PDE4D: variants seen among roughly 807,000 people sequenced by gnomAD.
PDE4D encodes the protein phosphodiesterase 4D.
PDE4D carries 24 observed loss-of-function variants against 87.4 expected under a neutral mutation model. That is an observed-to-expected ratio of 0.27 (90% CI 0.20 to 0.39). The LOEUF (loss-of-function observed/expected upper bound fraction) is 0.39. Among genes scored for constraint, PDE4D ranks in the 10% least tolerant of loss-of-function variants. The probability of loss-of-function intolerance (pLI) is 1.00; values close to 1 mark genes in which losing one functional copy is unlikely to be tolerated. For synonymous variants in PDE4D, 384 were observed against 383.2 expected (o/e 1.00, Z -0.02); for missense variants, 714 against 1,041.0 (o/e 0.69, Z 4.32).
At chr5:59,958,442 G>A (rs1759103299) in intron 3 of PDE4D, among the ~76,000 whole-genome samples, 1 of 152,066 alleles carries the variant, frequency 6.6e-6, no homozygotes. Context: ...GATCCCAAAT[G>A]ACTCTCTTAC....
intron 3 of PDE4D, among the ~76,000 whole-genome samples, chr5:59,924,374 C>A (rs1755014205): frequency 6.6e-6 from 1 of 151,954 alleles, no homozygotes; most frequent in Non-Finnish European, 1.5e-5. Flanking sequence ...TATTCAAGTA[C>A]AAGAAGGTTA....
Position 59,403,477 on chromosome 5 carries a change from T to C in PDE4D, c.456-187509A>G, listed in dbSNP as rs532385803. 1.7e-3 allele frequency among the ~76,000 whole-genome samples: 255 copies of C among 152,278 alleles called. 1 individual carries two copies. The highest frequency in any genetic ancestry group is 5.6e-3 in the African/African-American group (234 of 41,562). On this transcript the variant is annotated intron_variant, in intron 1 of 14. Transcript: ENST00000340635. ...CCCATCCACTACACCTCCTAGCCTC[T>C]GGTAACCATCACTCTAATCTCTATC... is the stretch of plus-strand genomic sequence containing the variant.
At chr5:59,510,086 A>C (rs1004046610) in intron 1 of PDE4D, among the ~76,000 whole-genome samples, 4 of 150,576 alleles carry the variant, frequency 2.7e-5, no homozygotes, top group African/African-American at 7.3e-5. Flanking sequence ...ATTAATAACA[A>C]TGTATTTATT....
At chr5:60,021,732 T>A (rs1766085505) in intron 2 of PDE4D, 1 of 152,244 alleles carries the variant, frequency 6.6e-6, no homozygotes, top group South Asian at 2.1e-4. Flanking sequence ...TATTGATACT[T>A]CTGTAAATCT....
At chr5:60,340,929 G>A (rs568129554) in intron 1 of PDE4D, among the ~76,000 whole-genome samples, 18 of 152,096 alleles carry the variant, frequency 1.2e-4, no homozygotes, top group East Asian at 5.8e-4. Flanking sequence ...GTTTTTATTC[G>A]GAACTTCTGT....
At chr5:59,975,870 G>T (rs1365338091) in intron 3 of PDE4D, among the ~76,000 whole-genome samples, 1 of 152,166 alleles carries the variant, frequency 6.6e-6, no homozygotes, top group African/African-American at 2.4e-5. Flanking sequence ...TTTGGTCTCA[G>T]GTTAGGTGTT....
At chr5:60,330,276 G>T (rs975001713) in intron 1 of PDE4D, among the ~76,000 whole-genome samples, 1 of 152,206 alleles carries the variant, frequency 6.6e-6, no homozygotes, top group Non-Finnish European at 1.5e-5. Flanking sequence ...CATTGTGTTA[G>T]ATGTGATGAT....
intron 1 of PDE4D, among the ~76,000 whole-genome samples, chr5:59,494,330 G>T (rs911090417): frequency 1.3e-5 from 2 of 152,180 alleles, no homozygotes; most frequent in Non-Finnish European, 1.5e-5. Context: ...ATGATGGATT[G>T]CAGGTCTCAA....
intron 1 of PDE4D, among the ~76,000 whole-genome samples, chr5:59,293,409 T>C (rs950325125): frequency 8.5e-5 from 13 of 152,050 alleles, no homozygotes; most frequent in Admixed American, 2.6e-4. Flanking sequence ...TTCCCAGAGA[T>C]GTAGTTTTGA....
At chr5:59,724,407 T>G (rs1756290248) in intron 1 of PDE4D, among the ~76,000 whole-genome samples, 1 of 152,062 alleles carries the variant, frequency 6.6e-6, no homozygotes, top group Non-Finnish European at 1.5e-5. Flanking sequence ...AGCAGCTTTA[T>G]TACATGACTA....
At chr5:59,988,785 C>T (rs1762706378) in intron 2 of PDE4D, 13 of 784,734 alleles carry the variant, frequency 1.7e-5, no homozygotes, top group Non-Finnish European at 2.6e-5. Context: ...TACATAATGG[C>T]TTAATACTTT....
intron 5 of PDE4D, among the ~76,000 whole-genome samples, chr5:59,089,862 T>C (rs1768370537): frequency 6.6e-6 from 1 of 152,162 alleles, no homozygotes; most frequent in South Asian, 2.1e-4. Context: ...TCTTATAATA[T>C]GTTAAAATTA....
chr5:59,979,148 G>C (rs927635955), intron 3 of PDE4D, among the ~76,000 whole-genome samples: 2 of 152,018 alleles, frequency 1.3e-5, no homozygotes, highest in Admixed American at 6.6e-5. Flanking sequence ...AATAAAGTTA[G>C]TCTGAATTAA....
At chr5:60,175,483 T>C (rs1188894878) in intron 2 of PDE4D, among the ~76,000 whole-genome samples, 1 of 152,164 alleles carries the variant, frequency 6.6e-6, no homozygotes, top group Non-Finnish European at 1.5e-5. Context: ...TCATAATATT[T>C]TGCTGAAAGC....
At chr5:59,762,067 G>A (rs745460125) in intron 1 of PDE4D, among the ~76,000 whole-genome samples, 1 of 151,910 alleles carries the variant, frequency 6.6e-6, no homozygotes, top group Non-Finnish European at 1.5e-5. Flanking sequence ...TGTTACATGT[G>A]TGTACTGTTG....
At chr5:60,325,816 C>T (rs1756731659) in intron 1 of PDE4D, among the ~76,000 whole-genome samples, 1 of 152,058 alleles carries the variant, frequency 6.6e-6, no homozygotes, top group South Asian at 2.1e-4. Context: ...TCCTCCTATT[C>T]CTTCCCTTCT....
intron 1 of PDE4D, among the ~76,000 whole-genome samples, chr5:60,234,193 C>A (rs79857765): frequency 2.0e-5 from 3 of 151,802 alleles, no homozygotes; most frequent in African/African-American, 7.2e-5. Context: ...TTGAGTCATA[C>A]AAGAAGTAGT....
intron 1 of PDE4D, among the ~76,000 whole-genome samples, chr5:59,437,817 T>G (rs1480055797): frequency 6.6e-6 from 1 of 152,210 alleles, no homozygotes; most frequent in Non-Finnish European, 1.5e-5. Flanking sequence ...CATCAGCGTA[T>G]TAGTCTGTTC....
At chr5:60,210,549 AGC>A (rs1201128610) in intron 1 of PDE4D, among the ~76,000 whole-genome samples, 2 of 152,134 alleles carry the variant, frequency 1.3e-5, no homozygotes, top group African/African-American at 4.8e-5. Context: ...TTGCTTATTT[AGC>A]AAAAGATAGT....
Sources: gnomAD v4.1 joint callset for allele counts (sites outside exome capture counted in the v4.1 genomes callset) on GRCh38, gnomAD v4.1.1 for gene constraint, MANE v1.5 for transcripts, NCBI Gene and HGNC (gene_info 2026-07-23, HGNC 2026-07-21) for gene names.